LDLRAP1: variants seen among roughly 807,000 people sequenced by gnomAD.
The protein encoded by LDLRAP1 is low density lipoprotein receptor adaptor protein 1.
LDLRAP1 carries 30 observed loss-of-function variants against 37.8 expected under a neutral mutation model. The observed-to-expected ratio is 0.79, with a 90% CI of 0.59 to 1.08. The LOEUF is 1.08. Among genes scored for constraint, LDLRAP1 ranks in the 50% least tolerant of loss-of-function variants. The pLI is 0.00. For missense variants in LDLRAP1, 375 were observed against 401.6 expected (o/e 0.93, Z 0.57); for synonymous variants, 156 against 169.8 (o/e 0.92, Z 0.63).
downstream of LDLRAP1, among the ~76,000 whole-genome samples, chr1:25,570,323 A>G (rs971851211): frequency 3.3e-5 from 5 of 152,204 alleles, no homozygotes; most frequent in African/African-American, 4.8e-5. Context: ...TCTTTCATGC[A>G]TAAGGGATGA....
chr1:25,558,069 A>G (rs139521752), intron 4 of LDLRAP1, among the ~76,000 whole-genome samples: 1,756 of 152,098 alleles, frequency 0.012, 35 homozygotes, highest in African/African-American at 0.04. Flanking sequence ...ATGAGTGGGA[A>G]CCTTGGTGGT....
Position 25,554,775 on chromosome 1 carries a change from G to C in LDLRAP1, c.232-85G>C. The C allele has an allele frequency of 9.2e-7, 1 of 1,090,252 alleles. No individual in the cohort carries two copies. Among genetic ancestry groups the C allele is most frequent in the Non-Finnish European group, 1.4e-6 (1 of 725,408 alleles). The allele number at this position is 1,090,252 out of a possible 1,614,324, so 67.5% of individuals were successfully genotyped here. On this transcript the variant is annotated intron_variant, in intron 2 of 8. Coordinates refer to ENST00000374338, the MANE Select transcript of LDLRAP1 (RefSeq NM_015627.3). This position sits in a 1 kb window ranked among gnomAD's most constrained non-coding sequence, Gnocchi z 5.4. The stretch of plus-strand genomic sequence containing the variant: ...TGAGCTGAGATGGGCCCCGTGCCTG[G>C]GGCTTAGGAACAGTGAAGTGTAAGC...
At chr1:25,557,775 C>T (rs1021618148) in intron 4 of LDLRAP1, among the ~76,000 whole-genome samples, 8 of 151,812 alleles carry the variant, frequency 5.3e-5, no homozygotes, top group Admixed American at 2.0e-4. Context: ...GGACAGTGAC[C>T]GTCTCTCGGT....
Position 25,568,264 on chromosome 1 carries a change from G to T in LDLRAP1, c.*1272G>T. ...TGTTTGAAGTCTGCTCATTCCGAGGGTGAAACAAAATCCAACCCTGTCAGA... is the reference window on the plus strand; with the variant it reads ...TGTTTGAAGTCTGCTCATTCCGAGGTTGAAACAAAATCCAACCCTGTCAGA... On this transcript the variant is annotated 3_prime_UTR_variant, in exon 9 of 9. Transcript: ENST00000374338. 1 of 152,678 alleles carries T rather than the reference G, an allele frequency of 6.5e-6. No homozygotes were observed. The allele number at this position is 152,678 out of a possible 1,614,324, so 9.5% of individuals were successfully genotyped here.
At position 25,557,587 on chromosome 1, in the gene LDLRAP1, A is replaced by G. The variant is rs183745169; in HGVS notation, c.459+320A>G. Among the ~76,000 whole-genome samples, 517 of 152,212 alleles carry G rather than the reference A, an allele frequency of 3.4e-3. 2 individuals are homozygous for G. The highest frequency in any genetic ancestry group is 0.012 in the African/African-American group (478 of 41,504). On this transcript the variant is annotated intron_variant, in intron 4 of 8. Transcript: ENST00000374338. ...GGATCTCCTGTCTTTAATATGGTCT[A>G]GGGATGCAGGGCCTTCTGGTGATTG...
intron 1 of LDLRAP1, among the ~76,000 whole-genome samples, chr1:25,547,663 C>T (rs1382560612): frequency 2.6e-5 from 4 of 152,184 alleles, no homozygotes; most frequent in East Asian, 3.9e-4. Context: ...CTCCTGGGGT[C>T]GGGAGATCTT....
Position 25,565,167 on chromosome 1 carries a change from C to T in LDLRAP1, c.748-6C>T. 6.2e-7 allele frequency: 1 copy of T among 1,614,110 alleles called. No homozygotes were observed. The highest frequency in any genetic ancestry group is 8.5e-7 in the Non-Finnish European group (1 of 1,179,964). ...AGTTCTTATCTCCTGCTTTGTTTTC[C>T]CCAAGGAGCTGGATGATGGCCTGGA... On this transcript the variant is annotated splice_polypyrimidine_tract_variant and splice_region_variant and intron_variant, in intron 7 of 8. Transcript: ENST00000374338.
At chr1:25,572,920 G>C (rs1020985881), downstream of LDLRAP1, among the ~76,000 whole-genome samples, 5 of 152,180 alleles carry the variant, frequency 3.3e-5, no homozygotes, top group African/African-American at 1.2e-4. Context: ...CCTAGAAGAG[G>C]GGGCATGGAG....
chr1:25,552,994 G>A (rs1211774429), intron 1 of LDLRAP1, among the ~76,000 whole-genome samples: 1 of 152,098 alleles, frequency 6.6e-6, no homozygotes, highest in East Asian at 1.9e-4. Flanking sequence ...AAGCAGAGTG[G>A]GTCTCGAACC....
At position 25,567,012 on chromosome 1, in the gene LDLRAP1, C is replaced by A. The variant is rs201459575; in HGVS notation, c.*20C>A. ...TTCTGAGGGCCCGGGGCCAGCCGGACACAAGCGGCCCTGACACGTGATGGA... is the reference window on the plus strand; with the variant it reads ...TTCTGAGGGCCCGGGGCCAGCCGGAAACAAGCGGCCCTGACACGTGATGGA... On this transcript the variant is annotated 3_prime_UTR_variant, in exon 9 of 9. Transcript: ENST00000374338. The A allele has an allele frequency of 6.2e-7, 1 of 1,613,078 alleles. No homozygotes were observed. The highest frequency in any genetic ancestry group is 1.3e-5 in the African/African-American group (1 of 75,060).
At chr1:25,572,117 G>A (rs2044612863), downstream of LDLRAP1, among the ~76,000 whole-genome samples, 1 of 152,220 alleles carries the variant, frequency 6.6e-6, no homozygotes, top group African/African-American at 2.4e-5. Context: ...AGAATGGTTG[G>A]CGACTGCATG....
chr1:25,583,565 G>A, the LDLRAP1 span, among the ~76,000 whole-genome samples: 2 of 150,568 alleles, frequency 1.3e-5, no homozygotes, highest in African/African-American at 2.4e-5. Context: ...ATTTGTTATT[G>A]TTGTTGTATT....
At chr1:25,574,774 C>T in the LDLRAP1 span, among the ~76,000 whole-genome samples, 8 of 152,110 alleles carry the variant, frequency 5.3e-5, no homozygotes, top group African/African-American at 1.7e-4. Context: ...GTGCCAGGAG[C>T]GTGTAGACCT....
downstream of LDLRAP1, among the ~76,000 whole-genome samples, chr1:25,573,687 A>G (rs2124713049): frequency 2.6e-5 from 4 of 152,284 alleles, 1 homozygote; most frequent in East Asian, 7.7e-4. Context: ...AGCTATGCCG[A>G]GGCTTTGCAC....
At chr1:25,562,859 C>G in intron 5 of LDLRAP1, 143 bp downstream of exon 5, 1 of 834,470 alleles carries the variant, frequency 1.2e-6, no homozygotes, top group Non-Finnish European at 2.0e-6. Flanking sequence ...CTCAGAGTCT[C>G]GGTTTTCCCA....
At chr1:25,557,131 A>G (rs750085779) in intron 3 of LDLRAP1, 22 bp from the exon 4 acceptor site, 9 of 1,587,948 alleles carry the variant, frequency 5.7e-6, no homozygotes, top group Middle Eastern at 1.7e-4. Flanking sequence ...AGGTCTGGTG[A>G]TGCTTCCTCC....
At chr1:25,563,937 G>T (rs1282174147) in intron 7 of LDLRAP1, 146 bp downstream of exon 7, 10 of 971,658 alleles carry the variant, frequency 1.0e-5, no homozygotes, top group Non-Finnish European at 1.6e-5. Flanking sequence ...CCAGGCGCAG[G>T]ATAGGGGATG....
chr1:25,566,507 T>C (rs1238327569), intron 8 of LDLRAP1, among the ~76,000 whole-genome samples: 1 of 152,126 alleles, frequency 6.6e-6, no homozygotes, highest in African/African-American at 2.4e-5. Context: ...TCTTCCGTGT[T>C]CCCTCCCACA....
chr1:25,559,487 C>T (rs2044292061), intron 4 of LDLRAP1, among the ~76,000 whole-genome samples: 6 of 152,200 alleles, frequency 3.9e-5, no homozygotes, highest in Admixed American at 3.9e-4. Context: ...GACTGCAGAG[C>T]CCTGACCAGG....
Sources: gnomAD v4.1 joint callset for allele counts (sites outside exome capture counted in the v4.1 genomes callset) on GRCh38, gnomAD v4.1.1 for gene constraint, Gnocchi (gnomAD v3.1) non-coding constraint, MANE v1.5 for transcripts, NCBI Gene and HGNC (gene_info 2026-07-23, HGNC 2026-07-21) for gene names.